The following ARSG variants were observed in gnomAD, a reference collection of about 807,000 sequenced individuals.
ARSG encodes ASG.
In ARSG, 37 loss-of-function variants were observed where a neutral mutation model predicts 50.5. That is an observed-to-expected ratio of 0.73 (90% confidence interval 0.56 to 0.96). The LOEUF is 0.96. Ranked by LOEUF, ARSG falls within the 50% of genes least tolerant of loss-of-function variation. The pLI is 0.00. For synonymous variants in ARSG, 225 were observed against 254.6 expected, an observed-to-expected ratio of 0.88 and a Z score of 1.11; for missense variants, 629 against 675.3, an observed-to-expected ratio of 0.93 and a Z score of 0.76.
At chr17:68,429,285 A>AT in the ARSG span, among the ~76,000 whole-genome samples, 1 of 152,180 alleles carries the variant, frequency 6.6e-6, no homozygotes, top group Admixed American at 6.5e-5. Flanking sequence ...AAGGGGGTAA[A>AT]TGGAGGATTG....
chr17:68,406,185 TC>T (rs1454055840), intron 11 of ARSG, among the ~76,000 whole-genome samples: 2 of 152,238 alleles, frequency 1.3e-5, no homozygotes, highest in African/African-American at 4.8e-5. Flanking sequence ...AATAATAGCC[TC>T]CAGTCTCACC....
At chr17:68,395,221 G>A in intron 10 of ARSG, 28 bp downstream of exon 10, 1 of 1,612,078 alleles carries the variant, frequency 6.2e-7, no homozygotes, top group Non-Finnish European at 8.5e-7. Context: ...TTGCCCACAT[G>A]TAGGCTCTTT....
At chr17:68,303,839 C>G (rs2076509635) in intron 1 of ARSG, among the ~76,000 whole-genome samples, 1 of 152,314 alleles carries the variant, frequency 6.6e-6, no homozygotes, top group East Asian at 1.9e-4. Context: ...AGTGTCTGGT[C>G]TGCCTTTTCC....
At chr17:68,352,428 G>A (rs571491207) in intron 5 of ARSG, among the ~76,000 whole-genome samples, 13 of 151,354 alleles carry the variant, frequency 8.6e-5, no homozygotes, top group Admixed American at 7.2e-4. Flanking sequence ...TCCTATCAAC[G>A]GAGACTCAAA....
chr17:68,344,419 A>G (rs978372347), intron 3 of ARSG, among the ~76,000 whole-genome samples: 1 of 152,280 alleles, frequency 6.6e-6, no homozygotes, highest in African/African-American at 2.4e-5. Context: ...CTGGGAGACC[A>G]GCAACGTCTG....
intron 1 of ARSG, among the ~76,000 whole-genome samples, chr17:68,299,364 C>A (rs2076329365): frequency 6.6e-6 from 1 of 151,982 alleles, no homozygotes; most frequent in Non-Finnish European, 1.5e-5. Context: ...CTCGGCCTCC[C>A]AAAGTGCTGG....
chr17:68,284,986 A>G (rs2075809039), intron 1 of ARSG, among the ~76,000 whole-genome samples: 1 of 152,214 alleles, frequency 6.6e-6, no homozygotes, highest in South Asian at 2.1e-4. Context: ...GCAACAAAAT[A>G]CCTATCAGGT....
intron 6 of ARSG, among the ~76,000 whole-genome samples, chr17:68,360,145 C>A (rs1304343651): frequency 6.6e-6 from 1 of 152,188 alleles, no homozygotes; most frequent in African/African-American, 2.4e-5. Context: ...GCAAATCAAC[C>A]GACAGCCTCC....
chr17:68,380,742 C>T (rs2080394086), intron 8 of ARSG, among the ~76,000 whole-genome samples: 2 of 152,202 alleles, frequency 1.3e-5, no homozygotes, highest in East Asian at 3.9e-4. Context: ...AGAGGTTATG[C>T]CCAGATTTTC....
chr17:68,328,611 G>C (rs903609955), intron 2 of ARSG, among the ~76,000 whole-genome samples: 3 of 152,334 alleles, frequency 2.0e-5, no homozygotes, highest in Admixed American at 1.3e-4. Flanking sequence ...TAGCTCCCCA[G>C]CTAGCTCTGT....
intron 1 of ARSG, chr17:68,269,006 G>T: frequency 1.3e-6 from 2 of 1,566,916 alleles, no homozygotes; most frequent in Non-Finnish European, 8.6e-7. Flanking sequence ...GTGGAGTAGA[G>T]GGGTTAGCTC....
the ARSG span, among the ~76,000 whole-genome samples, chr17:68,449,870 G>A: frequency 2.6e-5 from 4 of 152,180 alleles, no homozygotes; most frequent in African/African-American, 9.7e-5. Context: ...AATTAGCTGG[G>A]CGTGGTGGTG....
At chr17:68,398,291 A>G (rs2081335624) in intron 10 of ARSG, among the ~76,000 whole-genome samples, 1 of 152,252 alleles carries the variant, frequency 6.6e-6, no homozygotes, top group African/African-American at 2.4e-5. Flanking sequence ...ATATATGTAT[A>G]CACATGCATG....
intron 1 of ARSG, among the ~76,000 whole-genome samples, chr17:68,279,736 C>T (rs1555752138): frequency 6.6e-6 from 1 of 152,160 alleles, no homozygotes; most frequent in Non-Finnish European, 1.5e-5. Flanking sequence ...TGGGCTCTAG[C>T]ACATGAATAC....
At chr17:68,430,905 C>T in the ARSG span, among the ~76,000 whole-genome samples, 15 of 152,276 alleles carry the variant, frequency 9.9e-5, no homozygotes, top group East Asian at 1.4e-3. Context: ...GTGGGAAGCT[C>T]GCCCTGCAGC....
chr17:68,422,072 T>G (rs1474728254), downstream of ARSG: 1 of 484,864 alleles, frequency 2.1e-6, no homozygotes, highest in Non-Finnish European at 3.7e-6. Context: ...TTTATATGTA[T>G]ATGTATATAT....
chr17:68,430,220 A>C, the ARSG span: 1 of 1,533,984 alleles, frequency 6.5e-7, no homozygotes, highest in Non-Finnish European at 8.8e-7. Flanking sequence ...CGCACCCAGG[A>C]ATCTCCACAC....
At chr17:68,397,379 C>G (rs1009255317) in intron 10 of ARSG, among the ~76,000 whole-genome samples, 1 of 152,148 alleles carries the variant, frequency 6.6e-6, no homozygotes, top group African/African-American at 2.4e-5. Flanking sequence ...TAAGAGCACA[C>G]GGGGCTGGCA....
chr17:68,329,513 G>A (rs540836322), intron 2 of ARSG, among the ~76,000 whole-genome samples: 1 of 152,172 alleles, frequency 6.6e-6, no homozygotes, highest in Non-Finnish European at 1.5e-5. Flanking sequence ...CTGGTGCCTC[G>A]AGTTGCCCCA....
Sources: allele counts gnomAD v4.1 joint callset (sites outside exome capture counted in the v4.1 genomes callset), GRCh38; gene constraint gnomAD v4.1.1; transcripts MANE v1.5; gene names NCBI Gene and HGNC (gene_info 2026-07-23, HGNC 2026-07-21).